Variants in FRMPD4 observed in about 807,000 individuals in gnomAD.
FRMPD4 encodes FERM and PDZ domain-containing protein 4.
Under a neutral mutation model 94.1 loss-of-function variants are expected in FRMPD4, and 22 were observed. The observed-to-expected ratio is 0.23, with a 90% CI of 0.17 to 0.33. The LOEUF (loss-of-function observed/expected upper bound fraction) is 0.33, where lower values mean the gene tolerates loss of function less well. Ranked by LOEUF, FRMPD4 falls within the 10% of genes least tolerant of loss-of-function variation. The probability of loss-of-function intolerance (pLI) is 1.00; values close to 1 mark genes in which losing one functional copy is unlikely to be tolerated. For synonymous variants in FRMPD4, 631 were observed against 548.6 expected (o/e 1.15, Z -2.10); for missense variants, 1,111 against 1,339.9 (o/e 0.83, Z 2.67).
At chrX:12,226,069 G>A (rs1238087809) in intron 1 of FRMPD4, among the ~76,000 whole-genome samples, 1 of 111,440 alleles carries the variant, frequency 9.0e-6, no homozygotes, top group Non-Finnish European at 1.9e-5. Flanking sequence ...TTGTGGTAGT[G>A]TTTTCTTTGT....
At chrX:12,568,861 C>T (rs2058736535) in intron 2 of FRMPD4, among the ~76,000 whole-genome samples, 1 of 111,835 alleles carries the variant, frequency 8.9e-6, no homozygotes, top group Admixed American at 9.5e-5. Flanking sequence ...GTTACATGTT[C>T]TATAAAATCA....
chrX:12,616,190 T>C (rs975031855), intron 4 of FRMPD4, among the ~76,000 whole-genome samples: 8 of 111,070 alleles, frequency 7.2e-5, no homozygotes, highest in African/African-American at 2.6e-4. Context: ...TTTAGGGAAG[T>C]GATTAAGTCA....
chrX:12,099,554 T>C (rs967648123), intron 3 of FRMPD4, among the ~76,000 whole-genome samples: 11 of 111,971 alleles, frequency 9.8e-5, no homozygotes, highest in African/African-American at 3.6e-4. Flanking sequence ...AATTCTCCAC[T>C]TGATCTTAGC....
At chrX:12,649,074 G>A (rs1030720202) in intron 4 of FRMPD4, among the ~76,000 whole-genome samples, 3 of 112,091 alleles carry the variant, frequency 2.7e-5, no homozygotes, top group Admixed American at 1.9e-4. Context: ...GCAGTATTAC[G>A]TGACCTAACA....
intron 2 of FRMPD4, among the ~76,000 whole-genome samples, chrX:12,597,505 T>G (rs2059043018): frequency 8.9e-6 from 1 of 112,434 alleles, no homozygotes; most frequent in African/African-American, 3.2e-5. Context: ...TTATTGCATC[T>G]CATTTTCTGA....
intron 1 of FRMPD4, among the ~76,000 whole-genome samples, chrX:12,269,405 C>T (rs2054321157): frequency 1.8e-5 from 2 of 111,513 alleles, no homozygotes. Context: ...ATGATAGGCT[C>T]TGTTCTATAC....
chrX:12,576,340 T>A (rs1465850484), intron 2 of FRMPD4, among the ~76,000 whole-genome samples: 1 of 112,884 alleles, frequency 8.9e-6, no homozygotes, highest in East Asian at 2.8e-4. Context: ...TTGTAATTGA[T>A]CATGCTGAAG....
chrX:12,112,166 C>T (rs1390279029), intron 3 of FRMPD4, among the ~76,000 whole-genome samples: 1 of 112,018 alleles, frequency 8.9e-6, no homozygotes, highest in East Asian at 2.8e-4. Context: ...TGGAACCAAC[C>T]CAAATGTCCA....
At chrX:12,183,476 C>T (rs1365469893) in intron 1 of FRMPD4, among the ~76,000 whole-genome samples, 3 of 111,495 alleles carry the variant, frequency 2.7e-5, no homozygotes, top group Non-Finnish European at 5.7e-5. Context: ...AATAACGGTC[C>T]TCACTAGAAA....
At chrX:12,403,464 C>A (rs1400811579) in intron 1 of FRMPD4, among the ~76,000 whole-genome samples, 2 of 110,816 alleles carry the variant, frequency 1.8e-5, no homozygotes, top group Non-Finnish European at 3.8e-5. Context: ...CCACTAACTC[C>A]ATCCCATCAC....
chrX:11,844,386 G>A (rs1295776866), intron 1 of FRMPD4, among the ~76,000 whole-genome samples: 1 of 110,507 alleles, frequency 9.0e-6, no homozygotes, highest in Non-Finnish European at 1.9e-5. Flanking sequence ...AGGATTTGTG[G>A]TTGACATTTT....
intron 9 of FRMPD4, among the ~76,000 whole-genome samples, chrX:12,695,199 A>G (rs1292602064): frequency 9.0e-6 from 1 of 111,395 alleles, no homozygotes; most frequent in Non-Finnish European, 1.9e-5. Context: ...GATGTCATAC[A>G]TTTTGGGAAG....
At chrX:12,161,252 A>G (rs1222360787) in intron 1 of FRMPD4, among the ~76,000 whole-genome samples, 2 of 110,603 alleles carry the variant, frequency 1.8e-5, no homozygotes, top group African/African-American at 3.3e-5. Context: ...TCCACCTCCC[A>G]GGCTCAAGCC....
intron 4 of FRMPD4, among the ~76,000 whole-genome samples, chrX:12,646,923 C>T (rs1032704084): frequency 1.8e-5 from 2 of 112,104 alleles, no homozygotes; most frequent in Non-Finnish European, 3.8e-5. Context: ...AATTCTGATA[C>T]ATCTAAATTG....
rs1009285111 is a variant in FRMPD4 at position 11,970,556 on chromosome X, C to A, written c.95+92538C>A. Among the ~76,000 whole-genome samples, 5 of 111,829 alleles carry A rather than the reference C, an allele frequency of 4.5e-5. No homozygotes were observed. The Admixed American group carries it at 4.7e-4, about 11-fold the overall frequency. On this transcript the variant is annotated intron_variant, in intron 3 of 18. Coordinates refer to the FRMPD4 transcript ENST00000640291. ...AAATTAATTAATAATGCTCTAAGAC[C>A]AAGTGAGTTGTAGCATGTGAATGTT...
intron 3 of FRMPD4, among the ~76,000 whole-genome samples, chrX:11,978,152 C>T (rs2054376915): frequency 9.3e-6 from 1 of 107,938 alleles, no homozygotes; most frequent in Non-Finnish European, 1.9e-5. Context: ...GAAACCCCAT[C>T]TCTACTAAAA....
chrX:12,457,804 A>G (rs905559711), intron 1 of FRMPD4, among the ~76,000 whole-genome samples: 2 of 112,129 alleles, frequency 1.8e-5, no homozygotes, highest in African/African-American at 6.5e-5. Flanking sequence ...ATGCTTTACC[A>G]TCACCGTCTC....
In FRMPD4 at chrX:12,396,256, T is replaced by G. The variant is rs1020355644; in HGVS notation, c.42-102424T>G. On this transcript the variant is annotated intron_variant, in intron 1 of 16. Transcript: ENST00000675598. Reference sequence around the variant, plus strand: ...GTAGAATTTGAGAGCTCCTTGAAGTTGTTTTCAGTTCTACTTCACTATCAG... The same window carrying G: ...GTAGAATTTGAGAGCTCCTTGAAGTGGTTTTCAGTTCTACTTCACTATCAG... 3 of 112,021 alleles carry G rather than the reference T, an allele frequency of 2.7e-5. No homozygotes were observed. The Admixed American group carries it at 2.8e-4, about 11-fold the overall frequency. The allele number at this position is 112,021 out of a possible 1,213,427, so 9.2% of individuals were successfully genotyped here. A position where few individuals can be genotyped will look rare whatever the true frequency, so the allele number is the denominator to read the frequency against.
intron 3 of FRMPD4, among the ~76,000 whole-genome samples, chrX:12,023,815 C>G (rs892703569): frequency 1.7e-4 from 19 of 111,570 alleles, no homozygotes; most frequent in African/African-American, 6.2e-4. Context: ...CTTTCCCATC[C>G]TAGTCATAAC....
Sources: gnomAD v4.1 joint callset for allele counts (sites outside exome capture counted in the v4.1 genomes callset) on GRCh38, gnomAD v4.1.1 for gene constraint, MANE v1.5 for transcripts, NCBI Gene and HGNC (gene_info 2026-07-23, HGNC 2026-07-21) for gene names.